The following HNF4G variants were observed in gnomAD, a reference collection of about 807,000 sequenced individuals.
HNF4G encodes the protein hepatocyte nuclear factor 4-gamma.
A neutral mutation model predicts 50.9 loss-of-function variants in HNF4G; 21 were observed. The ratio of observed to expected loss-of-function variants is 0.41; its 90% confidence interval spans 0.29 to 0.59. The LOEUF (loss-of-function observed/expected upper bound fraction) is 0.59. HNF4G is among the 20% of genes least tolerant of loss of function. HNF4G has a pLI of 0.26. For synonymous variants in HNF4G, 198 were observed against 185.6 expected, an observed-to-expected ratio of 1.07 and a Z score of -0.54; for missense variants, 527 against 559.4, an observed-to-expected ratio of 0.94 and a Z score of 0.58.
chr8:75,411,699 A>G (rs1810508919), intron 1 of HNF4G, among the ~76,000 whole-genome samples: 2 of 152,280 alleles, frequency 1.3e-5, no homozygotes, highest in Non-Finnish European at 1.5e-5. Flanking sequence ...GACTAGCTTC[A>G]TGGGAAGCTG....
At chr8:75,483,879 G>A (rs750385848) in intron 1 of HNF4G, among the ~76,000 whole-genome samples, 1 of 151,932 alleles carries the variant, frequency 6.6e-6, no homozygotes, top group Non-Finnish European at 1.5e-5. Flanking sequence ...GATATGTCTC[G>A]ATCAATAATA....
At chr8:75,442,933 C>G (rs900218233) in intron 1 of HNF4G, among the ~76,000 whole-genome samples, 1 of 152,196 alleles carries the variant, frequency 6.6e-6, no homozygotes, top group Non-Finnish European at 1.5e-5. Flanking sequence ...CAATCTCACA[C>G]TCTACTATGT....
intron 2 of HNF4G, among the ~76,000 whole-genome samples, chr8:75,520,302 T>G (rs933489077): frequency 1.3e-5 from 2 of 152,234 alleles, no homozygotes; most frequent in African/African-American, 4.8e-5. Context: ...ATAAGAAACT[T>G]TTTCTTTCAC....
At chr8:75,465,610 T>C (rs1464005659) in intron 1 of HNF4G, among the ~76,000 whole-genome samples, 1 of 151,870 alleles carries the variant, frequency 6.6e-6, no homozygotes, top group Non-Finnish European at 1.5e-5. Flanking sequence ...TGGAAATATG[T>C]ATTATGCCAA....
intron 2 of HNF4G, among the ~76,000 whole-genome samples, chr8:75,507,975 C>A (rs1805639346): frequency 6.7e-6 from 1 of 148,872 alleles, no homozygotes; most frequent in African/African-American, 2.5e-5. Flanking sequence ...AAAAGGATTC[C>A]AAAGTTAATT....
intron 2 of HNF4G, among the ~76,000 whole-genome samples, chr8:75,494,299 A>AACACAC (rs1812706318): frequency 5.1e-5 from 7 of 137,042 alleles, no homozygotes; most frequent in African/African-American, 1.8e-4. Context: ...TCTCCCATAC[A>AACACAC]GCACACACAC....
At position 75,553,195 on chromosome 8, in the gene HNF4G, C is replaced by G; in HGVS notation, c.643C>G (p.Gln215Glu). ...CTTCTGTGAATTACCATTGGATGAT[C>G]AGGTACACATTTAAAACTTTATAAA... The part of the protein sequence containing the change: ...PAFCELPLDD[Q>E]VALLRAHAGE... Residue 215 changes from glutamine to glutamate, a missense_variant and splice_region_variant, in exon 5 of 10, where the codon CAG (glutamine) becomes GAG (glutamate). Physicochemically the swap from Gln to Glu is conservative, Grantham distance 29 (BLOSUM62 2). Transcript: ENST00000396423. 1.2e-6 allele frequency: 2 copies of G among 1,610,404 alleles called. No homozygotes were observed. Among genetic ancestry groups the G allele is most frequent in the Non-Finnish European group, 1.7e-6 (2 of 1,177,716 alleles).
intron 9 of HNF4G, among the ~76,000 whole-genome samples, chr8:75,563,052 A>G (rs1807359206): frequency 6.6e-6 from 1 of 152,130 alleles, no homozygotes; most frequent in African/African-American, 2.4e-5. Flanking sequence ...GTAAAAGGAG[A>G]CTGTTCTTGT....
intron 1 of HNF4G, among the ~76,000 whole-genome samples, chr8:75,452,025 T>G (rs1811598318): frequency 6.6e-6 from 1 of 152,266 alleles, no homozygotes; most frequent in African/African-American, 2.4e-5. Flanking sequence ...CTTAGTTCCA[T>G]GGCTTCACTG....
chr8:75,442,940 A>G (rs1811322418), intron 1 of HNF4G, among the ~76,000 whole-genome samples: 1 of 152,162 alleles, frequency 6.6e-6, no homozygotes, highest in Non-Finnish European at 1.5e-5. Context: ...ACACTCTACT[A>G]TGTATTGCCT....
Position 75,443,997 on chromosome 8 carries a change from G to T in HNF4G, c.-144+35835G>T, listed in dbSNP as rs182646088. Among the ~76,000 whole-genome samples, 22 of 152,170 alleles carry T rather than the reference G, an allele frequency of 1.4e-4. No homozygotes were observed. In the East Asian group the frequency reaches 2.5e-3, roughly 17 times the overall value. ...AATAGAGCAATGAAACAACATAAAAGCTCTGAAAGAAAACCTAGGGCAGCC... is the reference window on the plus strand; with the variant it reads ...AATAGAGCAATGAAACAACATAAAATCTCTGAAAGAAAACCTAGGGCAGCC... On this transcript the variant is annotated intron_variant, in intron 1 of 10. Transcript: ENST00000354370.
rs71567126 is a variant in HNF4G, at chr8:75,530,794, C to CT, written c.-23-13001dup. 4.1e-3 allele frequency among the ~76,000 whole-genome samples: 542 copies of CT among 132,146 alleles called. 21 individuals carry two copies. Among genetic ancestry groups the CT allele is most frequent in the South Asian group, 0.014 (58 of 4,126 alleles). The allele number at this position is 132,146 out of a possible 152,430, so 86.7% of individuals were successfully genotyped here. On this transcript the variant is annotated intron_variant, in intron 2 of 10. Transcript: ENST00000354370. ...ACAGTGGCAGGCATTGTTCAATGTG[C>CT]TTTTTTTTTTTTTTTTGAGACAGGG...
chr8:75,425,881 A>T (rs1201990736), intron 1 of HNF4G, among the ~76,000 whole-genome samples: 1 of 152,074 alleles, frequency 6.6e-6, no homozygotes, highest in Admixed American at 6.6e-5. Flanking sequence ...ACTGGACTTG[A>T]CACTCCTTTC....
intron 2 of HNF4G, among the ~76,000 whole-genome samples, chr8:75,510,269 A>C (rs941201139): frequency 2.0e-5 from 3 of 152,224 alleles, no homozygotes; most frequent in African/African-American, 7.2e-5. Context: ...CAATGTGTAT[A>C]TGTTTTAAGC....
Position 75,547,664 on chromosome 8 carries a change from C to G in HNF4G, c.365C>G (p.Ala122Gly). The change falls in exon 3 of 10, where the codon GCG (alanine) becomes GGG (glycine). Residue 122 changes from alanine (A) to glycine (G), a missense_variant. By Grantham distance (60) the Ala-to-Gly change is moderately conservative. Around this residue, in one of 5 missense-constraint regions of HNF4G, gnomAD observed 128 missense variants for 135.3 expected, o/e 0.95. Coordinates refer to ENST00000396423, the MANE Select transcript of HNF4G (RefSeq NM_004133.5). ...RYCRLRKCFR[A>G]GMKKEAVQNE... is the part of the protein sequence containing the mutation. ...TGTCGATTAAGAAAGTGTTTTAGAG[C>G]GGGAATGAAAAAAGAAGGTAATAAT... is the stretch of plus-strand genomic sequence containing the variant. 6.3e-7 allele frequency: 1 copy of G among 1,595,726 alleles called. No homozygotes were observed. The highest frequency in any genetic ancestry group is 1.1e-5 in the South Asian group (1 of 90,650).
At chr8:75,455,463 A>G (rs1474616878) in intron 1 of HNF4G, among the ~76,000 whole-genome samples, 1 of 152,178 alleles carries the variant, frequency 6.6e-6, no homozygotes, top group African/African-American at 2.4e-5. Flanking sequence ...TGTGGTGAGT[A>G]ATGTTTAGGT....
chr8:75,420,013 A>G (rs1316355650), intron 1 of HNF4G, among the ~76,000 whole-genome samples: 1 of 152,166 alleles, frequency 6.6e-6, no homozygotes, highest in Non-Finnish European at 1.5e-5. Flanking sequence ...AACCAACTGA[A>G]ATATTTTTTC....
chr8:75,564,065 A>C lies in HNF4G; in HGVS notation c.1337A>C (p.His446Pro), dbSNP rs752259333. 5 of 1,613,606 alleles carry C rather than the reference A, an allele frequency of 3.1e-6. No individual in the cohort carries two copies. In the South Asian group the frequency reaches 5.5e-5, roughly 18 times the overall value. ...IAANQASVISHQHLSKQKQL is the reference protein window; with the variant it reads ...IAANQASVISPQHLSKQKQL ...GCAAACCAAGCATCAGTCATTTCAC[A>C]CCAGCATCTCTCCAAACAAAAGCAA... is the stretch of plus-strand genomic sequence containing the variant. Residue 446 changes from histidine to proline, a missense_variant, in exon 10 of 10, where the codon CAC becomes CCC. His to Pro is a moderately conservative substitution (Grantham distance 77, BLOSUM62 -2). Coordinates refer to ENST00000396423, the MANE Select transcript of HNF4G (RefSeq NM_004133.5).
chr8:75,519,594 T>C (rs1198091456), intron 2 of HNF4G, among the ~76,000 whole-genome samples: 1 of 152,148 alleles, frequency 6.6e-6, no homozygotes, highest in African/African-American at 2.4e-5. Context: ...AAGTCATGTC[T>C]TACTTATTCA....
Sources: gnomAD v4.1 joint callset for allele counts (sites outside exome capture counted in the v4.1 genomes callset) on GRCh38, gnomAD v4.1.1 for gene constraint, gnomAD v4.1.1 regional missense constraint, MANE v1.5 for transcripts, NCBI Gene and HGNC (gene_info 2026-07-23, HGNC 2026-07-21) for gene names.